RAD51B: variants seen among roughly 807,000 people sequenced by gnomAD.
RAD51B encodes RAD51 paralog B.
In RAD51B, 38 loss-of-function variants were observed where a neutral mutation model predicts 42.2. That is an observed-to-expected ratio of 0.90 (90% CI 0.70 to 1.18). The LOEUF (loss-of-function observed/expected upper bound fraction) is 1.18, where lower values mean the gene tolerates loss of function less well. Ranked by LOEUF, RAD51B falls within the 50% of genes most tolerant of loss-of-function variation. RAD51B has a pLI of 0.00. For missense variants in RAD51B, 373 were observed against 400.7 expected (o/e 0.93, Z 0.59); for synonymous variants, 154 against 145.2 (o/e 1.06, Z -0.43).
chr14:68,501,794 C>T (rs1263148336), intron 10 of RAD51B, among the ~76,000 whole-genome samples: 4 of 152,268 alleles, frequency 2.6e-5, no homozygotes, highest in Admixed American at 6.5e-5. Context: ...TTTGGCCTTG[C>T]CTATGTGCAG....
Position 68,638,343 on chromosome 14 carries a change from G to C in RAD51B, c.1037-12438G>C, listed in dbSNP as rs145999518. 3.9e-5 allele frequency among the ~76,000 whole-genome samples: 6 copies of C among 152,182 alleles called. No homozygotes were observed. The East Asian group carries it at 1.2e-3, about 29-fold the overall frequency. On this transcript the variant is annotated intron_variant, in intron 10 of 11. Transcript: ENST00000488612. Reference sequence around the variant, plus strand: ...TAAAGAGCTTTAGATTGATGTCCCTGCTAGCCTAAATATAACTGAGCAGCC... The same window carrying C: ...TAAAGAGCTTTAGATTGATGTCCCTCCTAGCCTAAATATAACTGAGCAGCC...
At chr14:68,293,898 C>T (rs1012089753) in intron 8 of RAD51B, among the ~76,000 whole-genome samples, 10 of 152,300 alleles carry the variant, frequency 6.6e-5, no homozygotes, top group Non-Finnish European at 1.0e-4. Flanking sequence ...TAGACACATA[C>T]TAGGCAGTAA....
intron 7 of RAD51B, among the ~76,000 whole-genome samples, chr14:68,204,853 A>G (rs554533122): frequency 8.9e-4 from 135 of 152,320 alleles, no homozygotes; most frequent in Non-Finnish European, 1.7e-3. Flanking sequence ...TCAAGTATAC[A>G]CTGTATTGTT....
At chr14:68,051,777 T>G (rs1019762271) in intron 7 of RAD51B, among the ~76,000 whole-genome samples, 32 of 152,034 alleles carry the variant, frequency 2.1e-4, no homozygotes, top group African/African-American at 7.2e-4. Flanking sequence ...TTTTTTCATG[T>G]AATTTTGTAG....
chr14:67,938,531 C>T lies in RAD51B; in HGVS notation c.756+51327C>T, dbSNP rs181345850. Among the ~76,000 whole-genome samples the T allele has an allele frequency of 2.3e-3, 350 of 152,268 alleles. 1 individual carries two copies. Among genetic ancestry groups the T allele is most frequent in the African/African-American group, 8.1e-3 (338 of 41,516 alleles). On this transcript the variant is annotated intron_variant, in intron 7 of 10. Transcript: ENST00000471583. ...GAGGGCGTAGGCCTATCCTTTAGAA[C>T]ATAGCCCCCAAGAGAATTGTGTTCC... is the stretch of plus-strand genomic sequence containing the variant.
chr14:68,132,745 C>T (rs1041363517), intron 7 of RAD51B, among the ~76,000 whole-genome samples: 5 of 152,222 alleles, frequency 3.3e-5, no homozygotes, highest in African/African-American at 1.2e-4. Context: ...AGAGTATTAG[C>T]TCATTTTCCC....
chr14:68,350,138 A>G (rs1032548073), intron 8 of RAD51B, among the ~76,000 whole-genome samples: 1 of 152,210 alleles, frequency 6.6e-6, no homozygotes, highest in African/African-American at 2.4e-5. Context: ...TTATGAAATC[A>G]TGTCTCTAGG....
intron 9 of RAD51B, among the ~76,000 whole-genome samples, chr14:68,436,671 G>T (rs181583235): frequency 6.6e-6 from 1 of 151,918 alleles, no homozygotes; most frequent in African/African-American, 2.4e-5. Context: ...GTGTTTTGGC[G>T]GGGGGATCCT....
rs537286916 is a variant in RAD51B at position 67,828,546 on chromosome 14, C to T, written c.198+2969C>T. Among the ~76,000 whole-genome samples, 18 of 152,144 alleles carry T rather than the reference C, an allele frequency of 1.2e-4. No individual in the cohort carries two copies. The South Asian group carries it at 3.5e-3, about 30-fold the overall frequency. On this transcript the variant is annotated intron_variant, in intron 3 of 10. Coordinates refer to ENST00000471583, the MANE Select transcript of RAD51B (RefSeq NM_133510.4). ...ACTTTTGGCATTTTTGTCATGATAT[C>T]TTTGCTTGTGCCTATGTTCTGAATG...
At chr14:68,300,899 G>C (rs1053875760) in intron 8 of RAD51B, among the ~76,000 whole-genome samples, 4 of 152,134 alleles carry the variant, frequency 2.6e-5, no homozygotes, top group Admixed American at 2.6e-4. Context: ...AAGACAAGAG[G>C]GCAGCTGGAT....
intron 7 of RAD51B, among the ~76,000 whole-genome samples, chr14:68,103,753 G>C (rs895341178): frequency 6.6e-6 from 1 of 152,114 alleles, no homozygotes; most frequent in Non-Finnish European, 1.5e-5. Context: ...GACTGTTTCA[G>C]ACCACTTCAG....
At chr14:68,586,752 C>G (rs151142486) in intron 10 of RAD51B, among the ~76,000 whole-genome samples, 4 of 152,182 alleles carry the variant, frequency 2.6e-5, no homozygotes, top group African/African-American at 4.8e-5. Flanking sequence ...CCCCTGTAAT[C>G]CCAGCACTTT....
At chr14:68,463,317 A>G (rs2085893157) in intron 9 of RAD51B, among the ~76,000 whole-genome samples, 1 of 152,228 alleles carries the variant, frequency 6.6e-6, no homozygotes, top group Admixed American at 6.5e-5. Flanking sequence ...ATATTGGGCT[A>G]GAAAGCTAAT....
chr14:68,014,199 CTTTTTTTTT>C (rs35420035), intron 7 of RAD51B, among the ~76,000 whole-genome samples: 1 of 138,330 alleles, frequency 7.2e-6, no homozygotes, highest in Non-Finnish European at 1.6e-5. Context: ...TCTTTTCTTT[CTTTTTTTTT>C]TTTTTTCCCA....
chr14:68,506,917 T>C (rs1885369959), intron 10 of RAD51B, among the ~76,000 whole-genome samples: 2 of 152,130 alleles, frequency 1.3e-5, no homozygotes, highest in Admixed American at 1.3e-4. Context: ...TAGAAAAAAA[T>C]CTGGCAACTC....
intron 9 of RAD51B, chr14:68,422,048 A>G: frequency 1.3e-6 from 2 of 1,535,680 alleles, no homozygotes; most frequent in South Asian, 2.2e-5. Flanking sequence ...AAAGCAGGAA[A>G]CCTTATAACC....
chr14:68,573,039 A>T (rs1036793466), intron 10 of RAD51B, among the ~76,000 whole-genome samples: 1 of 152,152 alleles, frequency 6.6e-6, no homozygotes, highest in East Asian at 1.9e-4. Context: ...AGGGAGTGTC[A>T]TCATCCCTCA....
At chr14:68,096,670 AAAC>A (rs1303326769) in intron 7 of RAD51B, among the ~76,000 whole-genome samples, 11 of 152,214 alleles carry the variant, frequency 7.2e-5, no homozygotes, top group African/African-American at 2.7e-4. Context: ...CAAGGTCAGG[AAAC>A]AACGATTCAT....
chr14:68,649,047 G>C (rs1231298147), intron 10 of RAD51B, among the ~76,000 whole-genome samples: 1 of 152,158 alleles, frequency 6.6e-6, no homozygotes, highest in African/African-American at 2.4e-5. Context: ...AAGAGGTGGA[G>C]ATCTTTTGGA....
Sources: gnomAD v4.1 joint callset for allele counts (sites outside exome capture counted in the v4.1 genomes callset) on GRCh38, gnomAD v4.1.1 for gene constraint, MANE v1.5 for transcripts, NCBI Gene and HGNC (gene_info 2026-07-23, HGNC 2026-07-21) for gene names.